PDSS2: variants seen among roughly 807,000 people sequenced by gnomAD.
PDSS2 encodes decaprenyl diphosphate synthase subunit 2, also known as all trans-polyprenyl-diphosphate synthase PDSS2.
Under a neutral mutation model 44.5 loss-of-function variants are expected in PDSS2, and 31 were observed. That is an observed-to-expected ratio of 0.70 (90% CI 0.52 to 0.94). The LOEUF is 0.94. Ranked by LOEUF, PDSS2 falls within the 40% of genes least tolerant of loss-of-function variation. PDSS2 has a pLI of 0.00. For synonymous variants in PDSS2, 157 were observed against 180.3 expected, an observed-to-expected ratio of 0.87 and a Z score of 1.03; for missense variants, 452 against 482.2, an observed-to-expected ratio of 0.94 and a Z score of 0.59.
At chr6:107,338,062 A>G (rs1408751272) in intron 1 of PDSS2, among the ~76,000 whole-genome samples, 1 of 152,162 alleles carries the variant, frequency 6.6e-6, no homozygotes, top group East Asian at 1.9e-4. Context: ...ATTTCTTTAA[A>G]TTCACTTCGT....
At position 107,291,348 on chromosome 6, in the gene PDSS2, ATTT is replaced by A. The variant is rs139519390; in HGVS notation, c.432-17124_432-17122del. Among the ~76,000 whole-genome samples the A allele has an allele frequency of 9.1e-3, 1,203 of 132,408 alleles. 6 individuals are homozygous for A. The highest frequency in any genetic ancestry group is 0.024 in the African/African-American group (862 of 35,770). 86.9% of individuals were successfully genotyped at this position (132,408 alleles called of 152,430 possible). On this transcript the variant is annotated intron_variant, in intron 2 of 7. Transcript: ENST00000369037. ...ATGAGAATTCTGATTTTATTTTATA[ATTT>A]TTTTTTTTTTTTTTGAGACAGGGTC...
chr6:107,337,614 T>C (rs1777945993), intron 1 of PDSS2, among the ~76,000 whole-genome samples: 1 of 152,238 alleles, frequency 6.6e-6, no homozygotes, highest in Non-Finnish European at 1.5e-5. Flanking sequence ...ACATGGTTGG[T>C]GATCAAGTAA....
chr6:107,414,163 G>A (rs565153090), intron 1 of PDSS2, among the ~76,000 whole-genome samples: 18 of 152,330 alleles, frequency 1.2e-4, no homozygotes, highest in Admixed American at 3.3e-4. Context: ...AAGCCAAAGT[G>A]GGACTTACAT....
chr6:107,157,874 T>C (rs1042445960), intron 7 of PDSS2, among the ~76,000 whole-genome samples: 3 of 152,022 alleles, frequency 2.0e-5, no homozygotes, highest in Admixed American at 2.0e-4. Flanking sequence ...GGTTTCACCA[T>C]GTTGTTCAGG....
intron 6 of PDSS2, among the ~76,000 whole-genome samples, chr6:107,206,337 G>A (rs1463574921): frequency 6.6e-6 from 1 of 152,170 alleles, no homozygotes; most frequent in East Asian, 1.9e-4. Context: ...CTCCCAAAGT[G>A]CTGGGATTAC....
intron 3 of PDSS2, among the ~76,000 whole-genome samples, chr6:107,261,889 A>ATTTC (rs60848242): frequency 0.84 from 118,006 of 140,146 alleles, 50,456 homozygotes; most frequent in East Asian, 0.98. Flanking sequence ...CGTCTCAGGT[A>ATTTC]TTTCTTTTCT....
At chr6:107,200,370 G>GATGCTGGGCTCTCACAA (rs1361413712) in intron 6 of PDSS2, among the ~76,000 whole-genome samples, 2 of 152,168 alleles carry the variant, frequency 1.3e-5, no homozygotes, top group Non-Finnish European at 2.9e-5. Context: ...GAAGTTCCCA[G>GATGCTGGGCTCTCACAA]ATGCTGGGCT....
chr6:107,355,077 C>T (rs1352740221), intron 1 of PDSS2, among the ~76,000 whole-genome samples: 1 of 152,154 alleles, frequency 6.6e-6, no homozygotes, highest in Non-Finnish European at 1.5e-5. Flanking sequence ...GGACTACAGG[C>T]ATGCGCCACC....
intron 6 of PDSS2, among the ~76,000 whole-genome samples, chr6:107,203,762 A>G (rs1772871861): frequency 6.6e-6 from 1 of 152,128 alleles, no homozygotes; most frequent in Admixed American, 6.6e-5. Flanking sequence ...CAAGTGCCGA[A>G]CATTTTTATT....
intron 7 of PDSS2, among the ~76,000 whole-genome samples, chr6:107,171,132 C>T (rs1210827734): frequency 6.6e-6 from 1 of 152,096 alleles, no homozygotes. Flanking sequence ...GGAATGGACC[C>T]ATGACCTTGG....
At chr6:107,405,508 C>T (rs928876501) in intron 1 of PDSS2, among the ~76,000 whole-genome samples, 2 of 151,984 alleles carry the variant, frequency 1.3e-5, no homozygotes, top group African/African-American at 2.4e-5. Context: ...AAAAAACTCA[C>T]ATATCAATAT....
chr6:107,421,085 A>G (rs984321045), intron 1 of PDSS2, among the ~76,000 whole-genome samples: 1 of 152,248 alleles, frequency 6.6e-6, no homozygotes, highest in Non-Finnish European at 1.5e-5. Flanking sequence ...AAATCAGCAC[A>G]TGAAAAAACG....
chr6:107,206,356 G>A (rs1468333492), intron 6 of PDSS2, among the ~76,000 whole-genome samples: 1 of 152,180 alleles, frequency 6.6e-6, no homozygotes, highest in East Asian at 1.9e-4. Flanking sequence ...ACAGGTGTGA[G>A]CCACCATGCC....
chr6:107,295,551 C>T (rs79348260), intron 2 of PDSS2, among the ~76,000 whole-genome samples: 2,178 of 152,240 alleles, frequency 0.014, 46 homozygotes, highest in African/African-American at 0.049. Context: ...ATACCTCCAA[C>T]AACCTGATAA....
At chr6:107,371,914 G>A (rs1779138103) in intron 1 of PDSS2, among the ~76,000 whole-genome samples, 1 of 152,134 alleles carries the variant, frequency 6.6e-6, no homozygotes, top group Admixed American at 6.6e-5. Flanking sequence ...CCTGAAAGAG[G>A]ATATTTTTCC....
intron 1 of PDSS2, among the ~76,000 whole-genome samples, chr6:107,419,859 G>A (rs994182116): frequency 5.9e-5 from 9 of 152,120 alleles, no homozygotes; most frequent in South Asian, 2.1e-4. Flanking sequence ...GAAAAGCATC[G>A]TTATCAACCA....
chr6:107,454,047 CTTTTT>C (rs34161602), intron 1 of PDSS2, among the ~76,000 whole-genome samples: 1 of 131,582 alleles, frequency 7.6e-6, no homozygotes, highest in Non-Finnish European at 1.6e-5. Flanking sequence ...TTTCAGACTT[CTTTTT>C]TTTTTTTTTT....
chr6:107,453,172 C>T (rs1362967288), intron 1 of PDSS2, among the ~76,000 whole-genome samples: 6 of 151,714 alleles, frequency 4.0e-5, no homozygotes, highest in South Asian at 4.2e-4. Flanking sequence ...TGGGTTTGAG[C>T]GATTCTCATC....
At chr6:107,341,030 G>A (rs1280869563) in intron 1 of PDSS2, among the ~76,000 whole-genome samples, 2 of 152,170 alleles carry the variant, frequency 1.3e-5, no homozygotes, top group Non-Finnish European at 2.9e-5. Flanking sequence ...TAGAGCTAAA[G>A]ACTAAAACTG....
Sources: allele counts gnomAD v4.1 joint callset (sites outside exome capture counted in the v4.1 genomes callset), GRCh38; gene constraint gnomAD v4.1.1; transcripts MANE v1.5; gene names NCBI Gene and HGNC (gene_info 2026-07-23, HGNC 2026-07-21).